CFAP99: variants seen among roughly 807,000 people sequenced by gnomAD.
CFAP99 encodes the protein cilia and flagella associated protein 99, also known as cilia- and flagella-associated protein 99.
Under a neutral mutation model 82.7 loss-of-function variants are expected in CFAP99, and 84 were observed. That is an observed-to-expected ratio of 1.02 (90% CI 0.85 to 1.22). The LOEUF (loss-of-function observed/expected upper bound fraction) is 1.22, where lower values mean the gene tolerates loss of function less well. Among genes scored for constraint, CFAP99 ranks in the 50% most tolerant of loss-of-function variants. The pLI is 0.00. For synonymous variants in CFAP99, 456 were observed against 429.5 expected, an observed-to-expected ratio of 1.06 and a Z score of -0.76; for missense variants, 1,059 against 983.5, an observed-to-expected ratio of 1.08 and a Z score of -1.03.
chr4:2,422,621 C>T (rs1160069645), intron 1 of CFAP99, among the ~76,000 whole-genome samples: 1 of 152,160 alleles, frequency 6.6e-6, no homozygotes, highest in Non-Finnish European at 1.5e-5. Context: ...TCTCACCGCC[C>T]CCACCAGGCG....
At position 2,446,228 on chromosome 4, in the gene CFAP99, A is replaced by C. The variant is rs1734161357; in HGVS notation, c.642+920A>C. Among the ~76,000 whole-genome samples, 1 of 152,018 alleles carries C rather than the reference A, an allele frequency of 6.6e-6. No homozygotes were observed. Among genetic ancestry groups the C allele is most frequent in the South Asian group, 2.1e-4 (1 of 4,826 alleles). On this transcript the variant is annotated intron_variant, in intron 6 of 14. Transcript: ENST00000635017. The surrounding 1 kb of genome is among the most constrained non-coding windows in gnomAD (Gnocchi z 5.0). ...CCTTCACTTAGTTTACTTCTCACTG[A>C]TCCTGGCTCCTTTTCTTCACCGAAT...
In CFAP99 at chr4:2,445,264, A is replaced by G. The variant is rs895807941; in HGVS notation, c.598A>G (p.Ile200Val). The G allele has an allele frequency of 3.3e-5, 46 of 1,407,074 alleles. No individual in the cohort carries two copies. The Admixed American group carries it at 1.3e-3, about 40-fold the overall frequency. 87.2% of individuals were successfully genotyped at this position (1,407,074 alleles called of 1,614,324 possible). ...CCTGACTGCCCCCAGGCCCCGCACC[A>G]TTCCAGCGCCCGAACCAGTCCCGGT... Residue 200 changes from isoleucine to valine, a missense_variant, in exon 6 of 15, where the codon ATT becomes GTT. Ile to Val is a conservative substitution (Grantham distance 29). Coordinates refer to ENST00000635017, the Ensembl canonical transcript of CFAP99.
At chr4:2,436,967 T>C (rs1241052322) in exon 3 of CFAP99, 1 of 1,536,092 alleles carries the variant, frequency 6.5e-7, no homozygotes, top group South Asian at 1.2e-5. Flanking sequence ...GGATGCCTTC[T>C]ACGTGGAGGA....
chr4:2,432,371 GC>G (rs1733816792), intron 2 of CFAP99, among the ~76,000 whole-genome samples: 3 of 152,228 alleles, frequency 2.0e-5, no homozygotes, highest in African/African-American at 7.2e-5. Context: ...AAGGAGAGTT[GC>G]AAAATATGGT....
intron 1 of CFAP99, among the ~76,000 whole-genome samples, chr4:2,425,511 T>C (rs1578462042): frequency 6.6e-6 from 1 of 152,040 alleles, no homozygotes; most frequent in Admixed American, 6.5e-5. Flanking sequence ...TGTTGCAGGG[T>C]AGAGGAGAGG....
intron 4 of CFAP99, among the ~76,000 whole-genome samples, 151 bp downstream of exon 4, chr4:2,438,315 G>T (rs35528733): frequency 0.12 from 18,198 of 152,080 alleles, 1,190 homozygotes; most frequent in Non-Finnish European, 0.15. Flanking sequence ...CAGGCTGGAG[G>T]GCAGTGGCGC....
chr4:2,444,740 C>T (rs968591859), intron 5 of CFAP99, among the ~76,000 whole-genome samples: 9 of 152,208 alleles, frequency 5.9e-5, no homozygotes, highest in African/African-American at 2.2e-4. Flanking sequence ...TTCCAAAAAG[C>T]TCCTTTCTCC....
chr4:2,422,447 G>A (rs1733603889), intron 1 of CFAP99, among the ~76,000 whole-genome samples: 1 of 152,144 alleles, frequency 6.6e-6, no homozygotes, highest in African/African-American at 2.4e-5. Flanking sequence ...TGGATTGGGG[G>A]GCGGGCTTGG....
intron 4 of CFAP99, among the ~76,000 whole-genome samples, chr4:2,442,012 A>G (rs1441312287): frequency 6.6e-6 from 1 of 152,022 alleles, no homozygotes; most frequent in Non-Finnish European, 1.5e-5. Context: ...GGGGAGTCAG[A>G]CCCACCGCAA....
chr4:2,422,635 GA>G (rs1463534446), intron 1 of CFAP99, among the ~76,000 whole-genome samples: 3 of 152,130 alleles, frequency 2.0e-5, no homozygotes, highest in African/African-American at 7.2e-5. Flanking sequence ...CCAGGCGCAA[GA>G]AGGGGCCCTT....
At chr4:2,432,981 C>CCCCCAGG (rs148745737) in intron 2 of CFAP99, among the ~76,000 whole-genome samples, 1 of 151,992 alleles carries the variant, frequency 6.6e-6, no homozygotes, top group Admixed American at 6.5e-5. Context: ...CTTGCCCCCA[C>CCCCCAGG]CCCCAGGCCC....
chr4:2,438,728 C>CCACT (rs1321262229), intron 4 of CFAP99, among the ~76,000 whole-genome samples: 1 of 152,102 alleles, frequency 6.6e-6, no homozygotes, highest in Non-Finnish European at 1.5e-5. Flanking sequence ...AGTGATTGAA[C>CCACT]CACTGCACTT....
chr4:2,462,938 C>T lies in CFAP99; in HGVS notation c.*12C>T. 4.7e-6 allele frequency: 6 copies of T among 1,267,330 alleles called. No individual in the cohort carries two copies. Among genetic ancestry groups the T allele is most frequent in the South Asian group, 2.6e-5 (1 of 38,410 alleles). 78.5% of individuals were successfully genotyped at this position (1,267,330 alleles called of 1,614,324 possible). A position where few individuals can be genotyped will look rare whatever the true frequency, so the allele number is the denominator to read the frequency against. On this transcript the variant is annotated 3_prime_UTR_variant, in exon 15 of 15. Transcript: ENST00000635017. The surrounding 1 kb of genome is among the most constrained non-coding windows in gnomAD (Gnocchi z 4.1). ...TGGAGGCCGCCTGAGCCGGGCCGAGCGCGCCCCACCCGCTTGCGGGCCACC... is the reference window on the plus strand; with the variant it reads ...TGGAGGCCGCCTGAGCCGGGCCGAGTGCGCCCCACCCGCTTGCGGGCCACC...
chr4:2,459,907 T>C, intron 13 of CFAP99, 130 bp from the exon 14 acceptor site: 1 of 788,210 alleles, frequency 1.3e-6, no homozygotes, highest in Non-Finnish European at 2.1e-6. Flanking sequence ...GGGGGCATGT[T>C]TCATAAGCAG....
chr4:2,424,575 C>T (rs1474152739), intron 1 of CFAP99, among the ~76,000 whole-genome samples: 1 of 152,224 alleles, frequency 6.6e-6, no homozygotes, highest in South Asian at 2.1e-4. Flanking sequence ...CAGCCTCTTT[C>T]CCTAACTGTG....
intron 1 of CFAP99, 105 bp from the exon 2 acceptor site, chr4:2,426,354 T>G (rs1320951601): frequency 2.8e-6 from 2 of 720,734 alleles, no homozygotes; most frequent in Non-Finnish European, 4.8e-6. Context: ...CCGGTCTTCC[T>G]GCTGCTACAG....
intron 8 of CFAP99, 115 bp from the exon 9 acceptor site, chr4:2,450,832 A>G: frequency 1.3e-6 from 1 of 799,324 alleles, no homozygotes; most frequent in African/African-American, 1.7e-5. Context: ...GGGGAGGATG[A>G]AGAGGGGTGA....
chr4:2,462,527 G>C lies in CFAP99; in HGVS notation c.1746G>C (p.Ser582=). The change falls in exon 15 of 15, where the codon TCG becomes TCC. Residue 582 remains serine, a synonymous_variant. Coordinates refer to ENST00000635017, the Ensembl canonical transcript of CFAP99. The surrounding 1 kb of genome is among the most constrained non-coding windows in gnomAD (Gnocchi z 4.1). ...TGCAGCAGCTGCGGCGCAGGATCTCGGAGAGGGCGGCCGAGCGCAGCAGGC... is the reference window on the plus strand; with the variant it reads ...TGCAGCAGCTGCGGCGCAGGATCTCCGAGAGGGCGGCCGAGCGCAGCAGGC... 6.8e-7 allele frequency: 1 copy of C among 1,475,018 alleles called. No individual in the cohort carries two copies. The highest frequency in any genetic ancestry group is 8.9e-7 in the Non-Finnish European group (1 of 1,121,426). 91.4% of individuals were successfully genotyped at this position (1,475,018 alleles called of 1,614,324 possible). A position where few individuals can be genotyped will look rare whatever the true frequency, so the allele number is the denominator to read the frequency against.
rs1031421958 is a variant in CFAP99, at chr4:2,458,885, A to G, written c.1303+21A>G. 3.3e-6 allele frequency: 5 copies of G among 1,528,972 alleles called. No individual in the cohort carries two copies. In the African/African-American group the frequency reaches 4.1e-5, roughly 13 times the overall value. 94.7% of individuals were successfully genotyped at this position (1,528,972 alleles called of 1,614,324 possible). The stretch of plus-strand genomic sequence containing the variant: ...GACAGGTAGTCAGGAGCCAGATGTC[A>G]CTGGCCCTACCCCGCTCTTCCCCAC... On this transcript the variant is annotated intron_variant, in intron 12 of 14. Transcript: ENST00000635017.
Sources: allele counts gnomAD v4.1 joint callset (sites outside exome capture counted in the v4.1 genomes callset), GRCh38; gene constraint gnomAD v4.1.1; non-coding constraint Gnocchi (gnomAD v3.1); transcripts MANE v1.5; gene names NCBI Gene and HGNC (gene_info 2026-07-23, HGNC 2026-07-21).